Variants in NCR1 observed in about 807,000 individuals in gnomAD.
NCR1 encodes NK cell-activating receptor.
Under a neutral mutation model 32.5 loss-of-function variants are expected in NCR1, and 30 were observed. The ratio of observed to expected loss-of-function variants is 0.92; its 90% CI spans 0.69 to 1.25. The LOEUF (loss-of-function observed/expected upper bound fraction) is 1.25, where lower values mean the gene tolerates loss of function less well. Ranked by LOEUF, NCR1 falls within the 50% of genes most tolerant of loss-of-function variation. The pLI, the probability that NCR1 is intolerant of heterozygous loss-of-function variation, is 0.00. For synonymous variants in NCR1, 169 were observed against 143.4 expected, an observed-to-expected ratio of 1.18 and a Z score of -1.28; for missense variants, 369 against 380.7, an observed-to-expected ratio of 0.97 and a Z score of 0.26.
At chr19:54,937,787 C>T in the NCR1 span, among the ~76,000 whole-genome samples, 364 of 150,390 alleles carry the variant, frequency 2.4e-3, no homozygotes, top group Non-Finnish European at 4.1e-3. Flanking sequence ...ATCCCAGCTA[C>T]TCGGGAGGCT....
chr19:54,930,537 C>G, the NCR1 span: 1 of 1,611,260 alleles, frequency 6.2e-7, no homozygotes, highest in Non-Finnish European at 8.5e-7. Flanking sequence ...TCTCTAATGC[C>G]TGACAGAGAA....
chr19:54,920,408 C>T (rs1439451065), downstream of NCR1, among the ~76,000 whole-genome samples: 1 of 152,174 alleles, frequency 6.6e-6, no homozygotes, highest in Non-Finnish European at 1.5e-5. Flanking sequence ...ATTGGTCCCA[C>T]CAAACGTCAT....
At chr19:54,923,767 T>C in the NCR1 span, 1 of 1,613,514 alleles carries the variant, frequency 6.2e-7, no homozygotes, top group Non-Finnish European at 8.5e-7. Context: ...AGCACGGAGG[T>C]GCCGTTGCCC....
the NCR1 span, among the ~76,000 whole-genome samples, chr19:54,925,585 C>A: frequency 2.0e-5 from 3 of 152,082 alleles, no homozygotes; most frequent in African/African-American, 7.2e-5. Context: ...ACAGGAGGAT[C>A]GTTTGAAGCC....
chr19:54,909,205 C>T, intron 3 of NCR1, 40 bp from the exon 4 acceptor site: 2 of 1,570,576 alleles, frequency 1.3e-6, no homozygotes, highest in African/African-American at 1.4e-5. Context: ...GGCTGCTCAT[C>T]ACTGAGTTTC....
At chr19:54,938,130 T>C in the NCR1 span, 3 of 1,614,094 alleles carry the variant, frequency 1.9e-6, no homozygotes, top group South Asian at 3.3e-5. Context: ...TTTGTTTCAC[T>C]TCCAGAAACT....
the NCR1 span, among the ~76,000 whole-genome samples, chr19:54,898,412 C>T: frequency 7.2e-5 from 11 of 152,232 alleles, no homozygotes; most frequent in South Asian, 1.4e-3. Context: ...TTGGAGTTCT[C>T]GTGTGCTGGA....
At chr19:54,926,986 A>C in the NCR1 span, among the ~76,000 whole-genome samples, 4 of 151,096 alleles carry the variant, frequency 2.6e-5, no homozygotes, top group Admixed American at 6.6e-5. Context: ...GCTACTCAGG[A>C]GGTTGAGGCA....
the NCR1 span, among the ~76,000 whole-genome samples, chr19:54,925,771 G>T: frequency 1.3e-5 from 2 of 152,090 alleles, no homozygotes; most frequent in African/African-American, 4.8e-5. Flanking sequence ...GGCCGAGGTG[G>T]GCAGATCACC....
At chr19:54,899,151 C>T in the NCR1 span, among the ~76,000 whole-genome samples, 1 of 152,042 alleles carries the variant, frequency 6.6e-6, no homozygotes, top group Non-Finnish European at 1.5e-5. Context: ...ATGTCAGGCA[C>T]CTCAGACCGT....
the NCR1 span, among the ~76,000 whole-genome samples, chr19:54,931,453 G>A: frequency 6.6e-6 from 1 of 152,094 alleles, no homozygotes; most frequent in Non-Finnish European, 1.5e-5. Context: ...ACTTTGGGAG[G>A]CTGAGGCAGA....
the NCR1 span, among the ~76,000 whole-genome samples, chr19:54,900,985 T>A: frequency 6.6e-6 from 1 of 151,930 alleles, no homozygotes; most frequent in Admixed American, 6.6e-5. Flanking sequence ...AAAGTTATAT[T>A]TTTAAATACC....
rs368771137 is a variant in NCR1 at position 54,906,187 on chromosome 19, G to A, written c.-1G>A. On this transcript the variant is annotated 5_prime_UTR_variant, in exon 1 of 7. Transcript: ENST00000291890. ...AGCACTAGGCCGGCAGAATCTGAGC[G>A]ATGTCTTCCACACTCCCTGCCCTGC... 9.3e-6 allele frequency: 15 copies of A among 1,614,032 alleles called. No homozygotes were observed. The highest frequency in any genetic ancestry group is 6.7e-5 in the East Asian group (3 of 44,892).
At chr19:54,901,792 A>G (rs907075011), upstream of NCR1, among the ~76,000 whole-genome samples, 1 of 151,834 alleles carries the variant, frequency 6.6e-6, no homozygotes, top group Non-Finnish European at 1.5e-5. Flanking sequence ...ACTTGACGAA[A>G]CCCCATCTCT....
chr19:54,934,405 G>T, the NCR1 span: 2 of 1,382,902 alleles, frequency 1.4e-6, no homozygotes, highest in Non-Finnish European at 2.1e-6. This position sits in a 1 kb window ranked among gnomAD's most constrained non-coding sequence, Gnocchi z 6.7. Context: ...CGCCACGTGG[G>T]TGGCGCAGTA....
downstream of NCR1, among the ~76,000 whole-genome samples, chr19:54,919,725 C>G (rs56340482): frequency 5.5e-5 from 8 of 145,360 alleles, no homozygotes; most frequent in East Asian, 1.3e-3. Flanking sequence ...CCCCCCCCCC[C>G]ACCCGCTGCC....
chr19:54,916,677 T>C (rs1429157692), downstream of NCR1, among the ~76,000 whole-genome samples: 5 of 143,164 alleles, frequency 3.5e-5, no homozygotes, highest in African/African-American at 1.3e-4. Context: ...CCACCTACTC[T>C]CACTTCTAGG....
In NCR1 at chr19:54,907,538, C is replaced by G. The variant is rs587733196; in HGVS notation, c.355+731C>G. ...TTTATTATTATTATCAAGTATTATA[C>G]ATAGTTACATATACATACATAATTG... On this transcript the variant is annotated intron_variant, in intron 3 of 6. Transcript: ENST00000291890. Among the ~76,000 whole-genome samples, 11 of 143,002 alleles carry G rather than the reference C, an allele frequency of 7.7e-5. 1 individual carries two copies. The South Asian group carries it at 2.2e-3, about 29-fold the overall frequency. The allele number at this position is 143,002 out of a possible 152,430, so 93.8% of individuals were successfully genotyped here.
At chr19:54,918,223 C>T (rs139325508), downstream of NCR1, among the ~76,000 whole-genome samples, 7,060 of 152,014 alleles carry the variant, frequency 0.046, 257 homozygotes, top group Middle Eastern at 0.15. Context: ...TAAGCCACCG[C>T]ACCCGGCCTT....
Sources: allele counts gnomAD v4.1 joint callset (sites outside exome capture counted in the v4.1 genomes callset), GRCh38; gene constraint gnomAD v4.1.1; non-coding constraint Gnocchi (gnomAD v3.1); transcripts MANE v1.5; gene names NCBI Gene and HGNC (gene_info 2026-07-23, HGNC 2026-07-21).